AMTN: variants seen among roughly 807,000 people sequenced by gnomAD.
AMTN encodes the protein RSTI689.
Under a neutral mutation model 27.4 loss-of-function variants are expected in AMTN, and 29 were observed. The observed-to-expected ratio is 1.06, with a 90% CI of 0.79 to 1.44. The LOEUF (loss-of-function observed/expected upper bound fraction) is 1.44. AMTN is among the 40% of genes most tolerant of loss of function. The pLI is 0.00. For synonymous variants in AMTN, 86 were observed against 95.7 expected, an observed-to-expected ratio of 0.90 and a Z score of 0.59; for missense variants, 247 against 248.8, an observed-to-expected ratio of 0.99 and a Z score of 0.05.
Position 70,531,112 on chromosome 4 carries a change from C to G in AMTN, c.431C>G (p.Ala144Gly), listed in dbSNP as rs770766043. ...GGILPTSQAG[A>G]NPDVQDGSLP... ...ATCCTGCCCACCAGTCAGGCAGGGG[C>G]TAATCCAGATGTCCAGGATGGAAGC... The change falls in exon 8 of 9, where the codon GCT becomes GGT. Residue 144 changes from alanine to glycine, a missense_variant. Physicochemically the swap from Ala to Gly is moderately conservative, Grantham distance 60. Transcript: ENST00000339336. 3.1e-6 allele frequency: 5 copies of G among 1,614,068 alleles called. No homozygotes were observed. The highest frequency in any genetic ancestry group is 4.2e-6 in the Non-Finnish European group (5 of 1,179,998).
intron 5 of AMTN, among the ~76,000 whole-genome samples, chr4:70,526,665 T>G (rs1414780688): frequency 6.6e-6 from 1 of 152,230 alleles, no homozygotes; most frequent in East Asian, 1.9e-4. Flanking sequence ...GTCTCCATTG[T>G]TGCCCTCCTC....
At chr4:70,518,887 G>A in intron 2 of AMTN, 56 bp downstream of exon 2, 4 of 1,390,272 alleles carry the variant, frequency 2.9e-6, no homozygotes, top group South Asian at 1.2e-5. Flanking sequence ...ATCTCTAGCT[G>A]CAGACCTACC....
At chr4:70,522,664 A>G (rs1736002055) in intron 2 of AMTN, 91 bp from the exon 3 acceptor site, 1 of 1,158,886 alleles carries the variant, frequency 8.6e-7, no homozygotes, top group Non-Finnish European at 1.3e-6. Context: ...AAAGATAGAC[A>G]TGTTTGCATT....
At chr4:70,522,259 C>T (rs1326570363) in intron 2 of AMTN, among the ~76,000 whole-genome samples, 1 of 152,016 alleles carries the variant, frequency 6.6e-6, no homozygotes, top group African/African-American at 2.4e-5. Context: ...TCTAAAAATT[C>T]AGTGATTTTT....
At chr4:70,526,993 A>C (rs1736112040) in intron 5 of AMTN, among the ~76,000 whole-genome samples, 1 of 152,128 alleles carries the variant, frequency 6.6e-6, no homozygotes, top group Non-Finnish European at 1.5e-5. Context: ...GCTCGCATTT[A>C]TCAAAGAAAA....
intron 2 of AMTN, among the ~76,000 whole-genome samples, chr4:70,520,138 C>T (rs1399888483): frequency 6.6e-6 from 1 of 152,132 alleles, no homozygotes; most frequent in Admixed American, 6.6e-5. Context: ...GCAAAACTTT[C>T]CAGGAGTGCA....
chr4:70,519,473 A>C (rs183775792), intron 2 of AMTN, among the ~76,000 whole-genome samples: 1 of 151,802 alleles, frequency 6.6e-6, no homozygotes, highest in Non-Finnish European at 1.5e-5. Flanking sequence ...AAGACCATTA[A>C]GAAAAAAATT....
In AMTN at chr4:70,525,653, T is replaced by C. The variant is rs370878892; in HGVS notation, c.294+692T>C. On this transcript the variant is annotated intron_variant, in intron 5 of 8. Coordinates refer to ENST00000339336, the MANE Select transcript of AMTN (RefSeq NM_212557.4). ...GGCCCACGCTGTAATCCCAGCACTT[T>C]GGAAGGCCAAGGCAGGAGGATCACT... 3.9e-5 allele frequency among the ~76,000 whole-genome samples: 6 copies of C among 152,270 alleles called. No homozygotes were observed. The East Asian group carries it at 9.6e-4, about 24-fold the overall frequency.
At chr4:70,522,967 C>CCTG in intron 3 of AMTN, 129 bp downstream of exon 3, 2 of 834,710 alleles carry the variant, frequency 2.4e-6, no homozygotes, top group Admixed American at 2.5e-5. Flanking sequence ...CTGTACAAGA[C>CCTG]TGAACAAGAG....
At chr4:70,522,532 T>A (rs1201853820) in intron 2 of AMTN, among the ~76,000 whole-genome samples, 1 of 152,138 alleles carries the variant, frequency 6.6e-6, no homozygotes, top group African/African-American at 2.4e-5. Flanking sequence ...CTTGGGTTCA[T>A]CCCAGCCCCC....
rs907303784 is a variant in AMTN, at chr4:70,532,181, G to A, written c.620-274G>A. 9.8e-5 allele frequency among the ~76,000 whole-genome samples: 15 copies of A among 152,298 alleles called. 1 individual carries two copies. Among genetic ancestry groups the A allele is most frequent in the African/African-American group, 3.4e-4 (14 of 41,554 alleles). ...CCACTAGTGATTACCTACTGTAATA[G>A]CAGGCACTAGTAATAGCTAGCAGAG... On this transcript the variant is annotated intron_variant, in intron 8 of 8. Coordinates refer to ENST00000339336, the MANE Select transcript of AMTN (RefSeq NM_212557.4).
chr4:70,523,327 TAA>T, intron 3 of AMTN, among the ~76,000 whole-genome samples: 1 of 152,160 alleles, frequency 6.6e-6, no homozygotes, highest in African/African-American at 2.4e-5. Flanking sequence ...AAAGCGTATT[TAA>T]ATACTTTTGA....
intron 2 of AMTN, among the ~76,000 whole-genome samples, chr4:70,520,059 G>A (rs943891608): frequency 3.9e-5 from 4 of 103,864 alleles, no homozygotes; most frequent in South Asian, 2.7e-4. Context: ...TACATTGACC[G>A]AAAGATTCTT....
At chr4:70,530,393 C>A (rs1185899910) in intron 7 of AMTN, among the ~76,000 whole-genome samples, 1 of 152,192 alleles carries the variant, frequency 6.6e-6, no homozygotes, top group Non-Finnish European at 1.5e-5. Flanking sequence ...CTGTACTCTG[C>A]TCCTATCTGT....
Position 70,518,758 on chromosome 4 carries a change from T to C in AMTN, c.-15-5T>C, listed in dbSNP as rs202010807. Reference sequence around the variant, plus strand: ...TGGAAGAGTAACACTTTTTTGTTGTTGTAGGTAGCAATCTGAAACATGAGG... The same window carrying C: ...TGGAAGAGTAACACTTTTTTGTTGTCGTAGGTAGCAATCTGAAACATGAGG... On this transcript the variant is annotated splice_region_variant and splice_polypyrimidine_tract_variant and intron_variant, in intron 1 of 8. Coordinates refer to ENST00000339336, the MANE Select transcript of AMTN (RefSeq NM_212557.4). 337 of 1,573,682 alleles carry C rather than the reference T, an allele frequency of 2.1e-4. 1 individual carries two copies. In the African/African-American group the frequency reaches 4.5e-3, roughly 21 times the overall value.
intron 4 of AMTN, among the ~76,000 whole-genome samples, chr4:70,524,282 A>G (rs1376247266): frequency 6.6e-6 from 1 of 152,166 alleles, no homozygotes; most frequent in East Asian, 1.9e-4. Flanking sequence ...ATCACCCACA[A>G]TGACAGGAGC....
intron 2 of AMTN, among the ~76,000 whole-genome samples, chr4:70,521,645 T>C (rs1401976715): frequency 0.16 from 2,512 of 15,592 alleles, 363 homozygotes; most frequent in South Asian, 0.25. Flanking sequence ...CCTCTCTTTT[T>C]TTTTTTTTTT....
intron 7 of AMTN, among the ~76,000 whole-genome samples, chr4:70,530,232 C>T (rs2109775171): frequency 6.6e-6 from 1 of 152,166 alleles, no homozygotes; most frequent in African/African-American, 2.4e-5. Flanking sequence ...CACACACACA[C>T]ACACACACAC....
chr4:70,522,518 T>C (rs1402628457), intron 2 of AMTN, among the ~76,000 whole-genome samples: 2 of 152,158 alleles, frequency 1.3e-5, no homozygotes, highest in Admixed American at 1.3e-4. Flanking sequence ...AGACATCCCA[T>C]CTGCTTGGGT....
Sources: allele counts gnomAD v4.1 joint callset (sites outside exome capture counted in the v4.1 genomes callset), GRCh38; gene constraint gnomAD v4.1.1; transcripts MANE v1.5; gene names NCBI Gene and HGNC (gene_info 2026-07-23, HGNC 2026-07-21).